STAP1: variants seen among roughly 807,000 people sequenced by gnomAD.
The protein encoded by STAP1 is signal transducing adaptor family member 1.
A neutral mutation model predicts 37.8 loss-of-function variants in STAP1; 30 were observed. The observed-to-expected ratio is 0.79, with a 90% CI of 0.59 to 1.08. The LOEUF (loss-of-function observed/expected upper bound fraction) is 1.08. STAP1 is among the 50% of genes least tolerant of loss of function. The pLI is 0.00. For missense variants in STAP1, 357 were observed against 349.4 expected, an observed-to-expected ratio of 1.02 and a Z score of -0.17; for synonymous variants, 130 against 116.0, an observed-to-expected ratio of 1.12 and a Z score of -0.78.
intron 8 of STAP1, among the ~76,000 whole-genome samples, chr4:67,601,155 A>C (rs1728334038): frequency 6.6e-6 from 1 of 152,098 alleles, no homozygotes; most frequent in African/African-American, 2.4e-5. Context: ...AATTTGAAAT[A>C]CCATTAAGTT....
intron 5 of STAP1, among the ~76,000 whole-genome samples, chr4:67,582,694 A>G (rs1727891612): frequency 6.6e-6 from 1 of 151,930 alleles, no homozygotes; most frequent in African/African-American, 2.4e-5. Context: ...TGGTCTGTAT[A>G]AGTTGAACAA....
intron 1 of STAP1, among the ~76,000 whole-genome samples, chr4:67,559,745 A>C (rs1056900927): frequency 2.6e-5 from 4 of 152,062 alleles, no homozygotes; most frequent in African/African-American, 9.7e-5. Context: ...AACTAGAAAA[A>C]TTTTAAGGTT....
chr4:67,598,929 T>C (rs983709834), intron 8 of STAP1, among the ~76,000 whole-genome samples: 20 of 152,260 alleles, frequency 1.3e-4, no homozygotes, highest in African/African-American at 4.1e-4. Context: ...AATGAAGCGA[T>C]GCTGAATTTT....
intron 1 of STAP1, among the ~76,000 whole-genome samples, chr4:67,569,992 A>G (rs1467414290): frequency 6.6e-6 from 1 of 152,116 alleles, no homozygotes; most frequent in Non-Finnish European, 1.5e-5. Context: ...CAGCCTCCCA[A>G]AGTGTTGGGA....
intron 6 of STAP1, among the ~76,000 whole-genome samples, chr4:67,590,222 C>G (rs1201870572): frequency 6.6e-6 from 1 of 152,096 alleles, no homozygotes; most frequent in Non-Finnish European, 1.5e-5. Context: ...CAATAAAATA[C>G]CCTGTATTTG....
intron 1 of STAP1, among the ~76,000 whole-genome samples, chr4:67,569,936 G>A (rs537198346): frequency 2.6e-5 from 4 of 152,244 alleles, no homozygotes; most frequent in Admixed American, 2.6e-4. Flanking sequence ...TTGCCATGTT[G>A]TTCAGGCTGG....
At chr4:67,592,566 G>A (rs1728142530) in intron 7 of STAP1, among the ~76,000 whole-genome samples, 1 of 152,160 alleles carries the variant, frequency 6.6e-6, no homozygotes, top group South Asian at 2.1e-4. Flanking sequence ...CAGGGACTAG[G>A]ACGCAGTTAC....
At chr4:67,559,056 C>A in intron 1 of STAP1, 127 bp downstream of exon 1, 1 of 992,294 alleles carries the variant, frequency 1.0e-6, no homozygotes, top group Non-Finnish European at 1.4e-6. Flanking sequence ...CTTCTTTGAG[C>A]TCAGAAAAAT....
chr4:67,591,306 C>A (rs1408377067), intron 7 of STAP1, among the ~76,000 whole-genome samples: 1 of 152,168 alleles, frequency 6.6e-6, no homozygotes, highest in Non-Finnish European at 1.5e-5. Flanking sequence ...ACCTGTCTTG[C>A]TGAAGTTCAG....
chr4:67,562,138 A>ATAG (rs2109851880), intron 1 of STAP1, among the ~76,000 whole-genome samples: 1 of 148,228 alleles, frequency 6.7e-6, no homozygotes, highest in Non-Finnish European at 1.5e-5. Flanking sequence ...AAAATAAGAG[A>ATAG]TAGTTTGGGC....
intron 1 of STAP1, among the ~76,000 whole-genome samples, chr4:67,570,373 T>C (rs968800733): frequency 1.3e-5 from 2 of 152,252 alleles, no homozygotes; most frequent in Non-Finnish European, 2.9e-5. Flanking sequence ...TTATTGACAG[T>C]TGATACGAAT....
chr4:67,561,786 T>G (rs971413599), intron 1 of STAP1, among the ~76,000 whole-genome samples: 5 of 151,902 alleles, frequency 3.3e-5, no homozygotes, highest in African/African-American at 1.2e-4. Context: ...AGAGAGAGTG[T>G]GGGTGGGCCG....
chr4:67,583,497 T>C (rs1482349105), intron 5 of STAP1, 77 bp from the exon 6 acceptor site: 8 of 1,437,548 alleles, frequency 5.6e-6, no homozygotes, highest in Non-Finnish European at 7.4e-6. Flanking sequence ...CTCAAAGTTA[T>C]TTTGGTAGTA....
intron 8 of STAP1, among the ~76,000 whole-genome samples, chr4:67,595,572 T>C (rs1577767688): frequency 6.6e-6 from 1 of 152,140 alleles, no homozygotes; most frequent in East Asian, 1.9e-4. Context: ...TCCATTGAAT[T>C]GTCTTTGCAA....
chr4:67,572,530 C>T (rs75379241), intron 2 of STAP1, among the ~76,000 whole-genome samples: 8,383 of 152,230 alleles, frequency 0.055, 404 homozygotes, highest in Admixed American at 0.17. Context: ...TCAAAGGGTA[C>T]GGAGCCCCTT....
chr4:67,568,403 A>T (rs891191934), intron 1 of STAP1, among the ~76,000 whole-genome samples: 15 of 152,152 alleles, frequency 9.9e-5, no homozygotes, highest in African/African-American at 3.4e-4. Flanking sequence ...AATAACAGGA[A>T]TTTTTTTAAA....
chr4:67,566,138 G>A (rs1046930640), intron 1 of STAP1, among the ~76,000 whole-genome samples: 21 of 151,848 alleles, frequency 1.4e-4, no homozygotes, highest in African/African-American at 4.8e-4. Flanking sequence ...AGTAGATACA[G>A]GGTTTCACCA....
chr4:67,605,811 TA>T (rs1728437853), intron 8 of STAP1, among the ~76,000 whole-genome samples: 1 of 152,208 alleles, frequency 6.6e-6, no homozygotes, highest in African/African-American at 2.4e-5. Flanking sequence ...GTGAGACTGC[TA>T]GTACATCAAA....
rs772996765 is a variant in STAP1, at chr4:67,593,373, A to G, written c.826+17A>G. The G allele has an allele frequency of 2.6e-6, 4 of 1,565,748 alleles. No individual in the cohort carries two copies. In the South Asian group the frequency reaches 4.5e-5, roughly 18 times the overall value. On this transcript the variant is annotated intron_variant, in intron 8 of 8. Coordinates refer to ENST00000265404, the MANE Select transcript of STAP1 (RefSeq NM_012108.4). ...AAAACACTGGTATGTTTTTCACTTC[A>G]TTGCTATGTTAAGGGAAACAAAACA...
Sources: allele counts gnomAD v4.1 joint callset (sites outside exome capture counted in the v4.1 genomes callset), GRCh38; gene constraint gnomAD v4.1.1; transcripts MANE v1.5; gene names NCBI Gene and HGNC (gene_info 2026-07-23, HGNC 2026-07-21).